Variants in MYO1D observed in about 807,000 individuals in gnomAD.
MYO1D encodes unconventional myosin-Id.
Under a neutral mutation model 122.0 loss-of-function variants are expected in MYO1D, and 83 were observed. That is an observed-to-expected ratio of 0.68 (90% CI 0.57 to 0.82). The LOEUF (loss-of-function observed/expected upper bound fraction) is 0.82. MYO1D is among the 40% of genes least tolerant of loss of function. The probability of loss-of-function intolerance (pLI) is 0.00; values close to 1 mark genes in which losing one functional copy is unlikely to be tolerated. For synonymous variants in MYO1D, 464 were observed against 446.9 expected (o/e 1.04, Z -0.48); for missense variants, 1,157 against 1,269.5 (o/e 0.91, Z 1.35).
chr17:32,820,639 T>C (rs910072959), intron 1 of MYO1D, among the ~76,000 whole-genome samples: 2 of 152,190 alleles, frequency 1.3e-5, no homozygotes, highest in Non-Finnish European at 2.9e-5. Flanking sequence ...TATGACCATA[T>C]GAGGGCATAT....
At chr17:32,710,644 A>T (rs1296792926) in intron 16 of MYO1D, among the ~76,000 whole-genome samples, 3 of 152,232 alleles carry the variant, frequency 2.0e-5, no homozygotes, top group Non-Finnish European at 2.9e-5. Context: ...GATAAAGTTC[A>T]TTAGAATGCT....
chr17:32,521,609 G>A (rs1157224140), intron 21 of MYO1D, among the ~76,000 whole-genome samples: 1 of 152,160 alleles, frequency 6.6e-6, no homozygotes, highest in Non-Finnish European at 1.5e-5. Context: ...TGGGTGGTGA[G>A]TACTTCTTGG....
At chr17:32,580,630 C>T (rs936059738) in intron 21 of MYO1D, among the ~76,000 whole-genome samples, 5 of 151,804 alleles carry the variant, frequency 3.3e-5, no homozygotes, top group East Asian at 1.9e-4. Context: ...AGGCTGGTCT[C>T]GAACTCCTGA....
chr17:32,721,037 C>T lies in MYO1D; in HGVS notation c.1899G>A (p.Glu633=), dbSNP rs946733910. ...RAGFAFRQTY[E]KFLHRYKMIS... ...TCTATTCTCACCTGTGAAGAAACTT[C>T]TCGTATGTCTGGCGGAAGGCAAATC... Residue 633 remains glutamate (E), a synonymous_variant, in exon 15 of 22, where the codon GAG becomes GAA. Transcript: ENST00000318217. 1 of 1,614,038 alleles carries T rather than the reference C, an allele frequency of 6.2e-7. No homozygotes were observed. The highest frequency in any genetic ancestry group is 1.7e-5 in the Admixed American group (1 of 60,012).
At chr17:32,675,987 C>T (rs1208064741) in intron 16 of MYO1D, among the ~76,000 whole-genome samples, 2 of 152,122 alleles carry the variant, frequency 1.3e-5, no homozygotes, top group East Asian at 3.8e-4. Flanking sequence ...TCTAAGCATC[C>T]TTGCAGTACT....
At chr17:32,750,671 T>C (rs2089889942) in intron 11 of MYO1D, among the ~76,000 whole-genome samples, 1 of 152,078 alleles carries the variant, frequency 6.6e-6, no homozygotes, top group African/African-American at 2.4e-5. Flanking sequence ...AAAAACCACT[T>C]AGGTTCTAAT....
chr17:32,627,759 G>A (rs1263775645), intron 20 of MYO1D: 1 of 152,092 alleles, frequency 6.6e-6, no homozygotes, highest in Non-Finnish European at 1.5e-5. Context: ...AACACATCAT[G>A]ACTCAACAAC....
chr17:32,713,556 C>A (rs747668386), intron 15 of MYO1D, among the ~76,000 whole-genome samples: 17 of 152,042 alleles, frequency 1.1e-4, no homozygotes, highest in South Asian at 4.2e-4. Flanking sequence ...GGCAAAAAAA[C>A]CAGAATTCAG....
At chr17:32,551,326 A>T (rs558252553) in intron 21 of MYO1D, among the ~76,000 whole-genome samples, 1 of 152,334 alleles carries the variant, frequency 6.6e-6, no homozygotes, top group African/African-American at 2.4e-5. Context: ...TATATTAAGA[A>T]AACCACACAA....
At chr17:32,635,422 C>T (rs1368666199) in intron 20 of MYO1D, among the ~76,000 whole-genome samples, 1 of 152,074 alleles carries the variant, frequency 6.6e-6, no homozygotes, top group Non-Finnish European at 1.5e-5. Flanking sequence ...AAAATGGGGC[C>T]AGGCGTGGTG....
intron 20 of MYO1D, among the ~76,000 whole-genome samples, chr17:32,607,798 G>C (rs935165562): frequency 1.3e-5 from 2 of 150,778 alleles, no homozygotes; most frequent in Admixed American, 1.3e-4. Flanking sequence ...CAATAATTTA[G>C]AAAGGAAAAA....
At chr17:32,578,689 A>G (rs917270140) in intron 21 of MYO1D, among the ~76,000 whole-genome samples, 1 of 152,232 alleles carries the variant, frequency 6.6e-6, no homozygotes, top group Non-Finnish European at 1.5e-5. Context: ...GTGCTTTCAA[A>G]GGTCACCAAA....
intron 14 of MYO1D, among the ~76,000 whole-genome samples, chr17:32,732,432 A>C (rs1021264558): frequency 3.3e-5 from 5 of 152,172 alleles, no homozygotes; most frequent in Admixed American, 3.3e-4. Context: ...ACAATGGGAT[A>C]ACCTGCCTGT....
intron 21 of MYO1D, among the ~76,000 whole-genome samples, chr17:32,560,903 C>A (rs1484800220): frequency 6.6e-6 from 1 of 150,398 alleles, no homozygotes; most frequent in Non-Finnish European, 1.5e-5. Context: ...CAGGCATGAG[C>A]CACTATGCGT....
chr17:32,677,023 G>A (rs779379951), intron 16 of MYO1D, among the ~76,000 whole-genome samples: 3 of 152,066 alleles, frequency 2.0e-5, no homozygotes, highest in Non-Finnish European at 4.4e-5. Context: ...TGTTAGCCAG[G>A]ATGGTCTTGA....
intron 1 of MYO1D, among the ~76,000 whole-genome samples, chr17:32,868,017 T>A (rs1268858857): frequency 4.6e-5 from 7 of 152,020 alleles, no homozygotes; most frequent in Admixed American, 4.6e-4. Flanking sequence ...ACATGCAGAA[T>A]AAAATAGTTT....
At chr17:32,522,645 A>C (rs890810900) in intron 21 of MYO1D, among the ~76,000 whole-genome samples, 1 of 152,122 alleles carries the variant, frequency 6.6e-6, no homozygotes, top group Non-Finnish European at 1.5e-5. Context: ...GGGTGAGCTA[A>C]GGGGCAGTAT....
At chr17:32,630,922 T>C (rs2087997029) in intron 20 of MYO1D, among the ~76,000 whole-genome samples, 1 of 152,200 alleles carries the variant, frequency 6.6e-6, no homozygotes, top group Non-Finnish European at 1.5e-5. Context: ...TAGATGGCTG[T>C]CTTCTCTCTG....
At chr17:32,685,948 C>G (rs2088999270) in intron 16 of MYO1D, among the ~76,000 whole-genome samples, 1 of 152,166 alleles carries the variant, frequency 6.6e-6, no homozygotes, top group Admixed American at 6.5e-5. Context: ...TGACCAAACC[C>G]TAGATGCATG....
Sources: gnomAD v4.1 joint callset for allele counts (sites outside exome capture counted in the v4.1 genomes callset) on GRCh38, gnomAD v4.1.1 for gene constraint, MANE v1.5 for transcripts, NCBI Gene and HGNC (gene_info 2026-07-23, HGNC 2026-07-21) for gene names.